Variants in SENP6 observed in about 807,000 individuals in gnomAD.
SENP6 encodes the protein sentrin-specific protease 6.
A neutral mutation model predicts 134.5 loss-of-function variants in SENP6; 41 were observed. The ratio of observed to expected loss-of-function variants is 0.30; its 90% CI spans 0.24 to 0.40. SENP6 has a LOEUF of 0.40. Ranked by LOEUF, SENP6 falls within the 10% of genes least tolerant of loss-of-function variation. SENP6 has a pLI of 1.00. For synonymous variants in SENP6, 395 were observed against 429.8 expected (o/e 0.92, Z 1.00); for missense variants, 1,248 against 1,312.5 (o/e 0.95, Z 0.76).
chr6:75,704,356 CTG>C (rs1775245392), intron 19 of SENP6, among the ~76,000 whole-genome samples: 1 of 152,170 alleles, frequency 6.6e-6, no homozygotes, highest in South Asian at 2.1e-4. Flanking sequence ...GCAAAGGAAT[CTG>C]TGTCACAATT....
intron 18 of SENP6, among the ~76,000 whole-genome samples, chr6:75,699,816 T>G (rs1175779479): frequency 6.6e-6 from 1 of 152,012 alleles, no homozygotes; most frequent in African/African-American, 2.4e-5. Flanking sequence ...GTTTCTAAGC[T>G]GTTTATTAAA....
chr6:75,684,757 C>G (rs1773711021), intron 16 of SENP6, among the ~76,000 whole-genome samples: 1 of 152,166 alleles, frequency 6.6e-6, no homozygotes, highest in African/African-American at 2.4e-5. Flanking sequence ...CCCACTTGAT[C>G]ATGGTGGATA....
intron 8 of SENP6, among the ~76,000 whole-genome samples, chr6:75,659,962 A>G (rs932971599): frequency 2.0e-5 from 3 of 152,240 alleles, no homozygotes; most frequent in Non-Finnish European, 4.4e-5. Flanking sequence ...TAAAATTACC[A>G]TTTAATCCAC....
At chr6:75,626,613 A>T (rs1247371919) in intron 3 of SENP6, among the ~76,000 whole-genome samples, 4 of 152,024 alleles carry the variant, frequency 2.6e-5, no homozygotes, top group African/African-American at 7.2e-5. Flanking sequence ...GTGCATAGAT[A>T]TTTTTTTCAT....
chr6:75,671,773 A>T (rs545908082), intron 11 of SENP6, among the ~76,000 whole-genome samples: 1 of 152,282 alleles, frequency 6.6e-6, no homozygotes, highest in African/African-American at 2.4e-5. Flanking sequence ...GTTGTAAGGT[A>T]TTTTATTATT....
chr6:75,631,938 A>G (rs1426439457), intron 3 of SENP6, among the ~76,000 whole-genome samples: 1 of 152,208 alleles, frequency 6.6e-6, no homozygotes, highest in Non-Finnish European at 1.5e-5. Flanking sequence ...AAACCATTCC[A>G]TAAACAAGTG....
At chr6:75,642,348 C>A (rs1020153279) in intron 6 of SENP6, among the ~76,000 whole-genome samples, 2 of 152,192 alleles carry the variant, frequency 1.3e-5, no homozygotes, top group African/African-American at 4.8e-5. Context: ...ATGTGATAGA[C>A]TGACAGTATG....
chr6:75,640,761 T>C (rs982198091), intron 6 of SENP6, 57 bp downstream of exon 6: 1 of 1,085,902 alleles, frequency 9.2e-7, no homozygotes, highest in South Asian at 1.9e-5. Flanking sequence ...TATAAAATTA[T>C]TTATATGTTT....
intron 18 of SENP6, among the ~76,000 whole-genome samples, chr6:75,698,169 A>C (rs1176742444): frequency 1.3e-5 from 2 of 152,204 alleles, no homozygotes; most frequent in South Asian, 2.1e-4. Flanking sequence ...GACACACACC[A>C]TGGGCCACTC....
chr6:75,694,516 A>C (rs2149893883), intron 16 of SENP6, among the ~76,000 whole-genome samples: 2 of 152,336 alleles, frequency 1.3e-5, no homozygotes, highest in Admixed American at 1.3e-4. Flanking sequence ...TGCCCCATAA[A>C]GAAGCCTAGT....
At chr6:75,626,517 T>G (rs1768708190) in intron 3 of SENP6, among the ~76,000 whole-genome samples, 1 of 152,180 alleles carries the variant, frequency 6.6e-6, no homozygotes, top group South Asian at 2.1e-4. Context: ...GGATATACTG[T>G]AGATATTCAG....
At chr6:75,638,622 ATTTTTTTTTTTT>A (rs57353168) in intron 5 of SENP6, among the ~76,000 whole-genome samples, 1 of 29,864 alleles carries the variant, frequency 3.3e-5, no homozygotes, top group Non-Finnish European at 5.9e-5. Context: ...ATATATATAT[ATTTTTTTTTTTT>A]TTTTTTTTTT....
At chr6:75,634,914 T>A (rs1769391453) in intron 5 of SENP6, 103 bp downstream of exon 5, 1 of 723,928 alleles carries the variant, frequency 1.4e-6, no homozygotes, top group African/African-American at 1.8e-5. Context: ...CTTACTGTTT[T>A]CACTGTCTGT....
rs769103508 is a variant in SENP6, at chr6:75,678,808, C to T, written c.1959-3C>T. 1.0e-5 allele frequency: 16 copies of T among 1,553,088 alleles called. No homozygotes were observed. The South Asian group carries it at 1.7e-4, about 16-fold the overall frequency. The stretch of plus-strand genomic sequence containing the variant: ...ATTTGCTTGCCTTCTAATTTTGTTA[C>T]AGGTTGATAGTATATCCACCACCTC... On this transcript the variant is annotated splice_region_variant and splice_polypyrimidine_tract_variant and intron_variant, in intron 15 of 23. Coordinates refer to ENST00000447266, the MANE Select transcript of SENP6 (RefSeq NM_015571.4).
At chr6:75,699,125 C>T (rs1040565975) in intron 18 of SENP6, among the ~76,000 whole-genome samples, 11 of 151,582 alleles carry the variant, frequency 7.3e-5, no homozygotes, top group African/African-American at 2.4e-4. Flanking sequence ...GGGAGGAAAG[C>T]GATTTGTCAG....
intron 11 of SENP6, among the ~76,000 whole-genome samples, chr6:75,671,662 C>T (rs1479882388): frequency 6.6e-6 from 1 of 152,086 alleles, no homozygotes; most frequent in Non-Finnish European, 1.5e-5. Context: ...GCAGAGGTTG[C>T]AGTGAGCCGA....
In SENP6 at chr6:75,678,220, A is replaced by G. The variant is rs78446509; in HGVS notation, c.1849-363A>G. The G allele has an allele frequency of 3.6e-4, 69 of 191,760 alleles. 1 individual carries two copies. In the East Asian group the frequency reaches 9.9e-3, roughly 27 times the overall value. 11.9% of individuals were successfully genotyped at this position (191,760 alleles called of 1,614,324 possible). A position where few individuals can be genotyped will look rare whatever the true frequency, so the allele number is the denominator to read the frequency against. On this transcript the variant is annotated intron_variant, in intron 14 of 23. Transcript: ENST00000447266. ...CTGTGTTCCCTGAGCCTCTGCCCCT[A>G]CATCTTATAGATTGCCTAGCCATTG...
chr6:75,607,186 A>G (rs925532781), intron 1 of SENP6, among the ~76,000 whole-genome samples: 2 of 152,036 alleles, frequency 1.3e-5, no homozygotes, highest in African/African-American at 4.8e-5. Context: ...TGTCTGTACA[A>G]AAACATAAAA....
At position 75,670,583 on chromosome 6, in the gene SENP6, A is replaced by G; in HGVS notation, c.1255A>G (p.Lys419Glu). The G allele has an allele frequency of 6.2e-7, 1 of 1,612,044 alleles. No homozygotes were observed. Among genetic ancestry groups the G allele is most frequent in the Non-Finnish European group, 8.5e-7 (1 of 1,178,792 alleles). ...CAATTCTATTATCAACACACCTCTG[A>G]AACGTCGTAAAGTGTTTTCTCAAGA... ...FGNSIINTPL[K>E]RRKVFSQEPP... Residue 419 changes from lysine (K) to glutamate (E), a missense_variant, in exon 11 of 24, where the codon AAA becomes GAA. By Grantham distance (56) the Lys-to-Glu change is moderately conservative (BLOSUM62 1). Transcript: ENST00000447266.
Sources: gnomAD v4.1 joint callset for allele counts (sites outside exome capture counted in the v4.1 genomes callset) on GRCh38, gnomAD v4.1.1 for gene constraint, MANE v1.5 for transcripts, NCBI Gene and HGNC (gene_info 2026-07-23, HGNC 2026-07-21) for gene names.